Variants in RPL4 observed in about 807,000 individuals in gnomAD.
RPL4 encodes the protein ribosomal protein L4, also known as large ribosomal subunit protein uL4.
Under a neutral mutation model 47.7 loss-of-function variants are expected in RPL4, and 3 were observed. The ratio of observed to expected loss-of-function variants is 0.06; its 90% CI spans 0.03 to 0.16. The LOEUF (loss-of-function observed/expected upper bound fraction) is 0.16. Ranked by LOEUF, RPL4 falls within the 10% of genes least tolerant of loss-of-function variation. The pLI is 1.00. For missense variants in RPL4, 413 were observed against 551.3 expected, an observed-to-expected ratio of 0.75 and a Z score of 2.51; for synonymous variants, 208 against 182.1, an observed-to-expected ratio of 1.14 and a Z score of -1.15.
Position 66,501,324 on chromosome 15 carries a change from G to T in RPL4, c.676+51C>A, listed in dbSNP as rs1434164667. 1.9e-6 allele frequency: 3 copies of T among 1,611,966 alleles called. No homozygotes were observed. In the Admixed American group the frequency reaches 5.0e-5, roughly 27 times the overall value. On this transcript the variant is annotated intron_variant, in intron 6 of 9. Transcript: ENST00000307961. ...GTGGAATCTCATCATAACAAAAGCTGAGTAGACTTGCAGAGTATACCTAGT... is the reference window on the plus strand; with the variant it reads ...GTGGAATCTCATCATAACAAAAGCTTAGTAGACTTGCAGAGTATACCTAGT...
chr15:66,502,602 T>C lies in RPL4; in HGVS notation c.421+10A>G. On this transcript the variant is annotated intron_variant, in intron 4 of 9. Transcript: ENST00000307961. ...TTCTATCAAACTCTCTTATATAAAG[T>C]ATTACAAACCTTTAGACATGACCAG... 6.2e-7 allele frequency: 1 copy of C among 1,609,762 alleles called. No individual in the cohort carries two copies.
chr15:66,502,628 T>C lies in RPL4; in HGVS notation c.405A>G (p.Ala135=). 1 of 1,612,728 alleles carries C rather than the reference T, an allele frequency of 6.2e-7. No homozygotes were observed. Among genetic ancestry groups the C allele is most frequent in the South Asian group, 1.1e-5 (1 of 91,014 alleles). Residue 135 remains alanine, a synonymous_variant, in exon 4 of 10, where the codon GCA becomes GCG. Coordinates refer to ENST00000307961, the MANE Select transcript of RPL4 (RefSeq NM_000968.4). ...ATTACAAACCTTTAGACATGACCAG[T>C]GCTGGTAGGGCTGAGGCAGCCAGGG... ...CSALAASALP[A]LVMSKGHRIE... is the part of the protein sequence containing the mutation.
intron 2 of RPL4, 69 bp from the exon 3 acceptor site, chr15:66,503,233 G>A (rs2140717752): frequency 6.3e-7 from 1 of 1,582,544 alleles, no homozygotes; most frequent in South Asian, 1.1e-5. Flanking sequence ...TATTATGCAT[G>A]GTAGCAAACA....
rs554000792 is a variant in RPL4, at chr15:66,498,023, G to T, written c.*1384C>A. 2.3e-6 allele frequency: 1 copy of T among 436,524 alleles called. No individual in the cohort carries two copies. The highest frequency in any genetic ancestry group is 2.0e-5 in the African/African-American group (1 of 50,130). The allele number at this position is 436,524 out of a possible 1,614,324, so 27.0% of individuals were successfully genotyped here. ...AAGAACCTGAAGAAATCTTGGGTTT[G>T]GCTATCCTTTAATCCGATAGGCCAT... On this transcript the variant is annotated 3_prime_UTR_variant, in exon 10 of 10. Transcript: ENST00000307961.
rs1893521730 is a variant in RPL4, at chr15:66,498,415, G to GT, written c.*991dup. ...CGAGACTGTCAGAGAGAAGCTGACAGTTTAACAATCCAGATGCAAAACAAG... is the reference window on the plus strand; with the variant it reads ...CGAGACTGTCAGAGAGAAGCTGACAGTTTTAACAATCCAGATGCAAAACAAG... On this transcript the variant is annotated 3_prime_UTR_variant, in exon 10 of 10. Coordinates refer to ENST00000307961, the MANE Select transcript of RPL4 (RefSeq NM_000968.4). 1 of 152,218 alleles carries GT rather than the reference G, an allele frequency of 6.6e-6. No individual in the cohort carries two copies. The highest frequency in any genetic ancestry group is 6.5e-5 in the Admixed American group (1 of 15,284). The allele number at this position is 152,218 out of a possible 1,614,324, so 9.4% of individuals were successfully genotyped here.
In RPL4 at chr15:66,498,106, G is replaced by C. The variant is rs143078413; in HGVS notation, c.*1301C>G. 20 of 252,086 alleles carry C rather than the reference G, an allele frequency of 7.9e-5. No individual in the cohort carries two copies. The East Asian group carries it at 1.7e-3, about 21-fold the overall frequency. 15.6% of individuals were successfully genotyped at this position (252,086 alleles called of 1,614,324 possible). On this transcript the variant is annotated 3_prime_UTR_variant, in exon 10 of 10. Coordinates refer to ENST00000307961, the MANE Select transcript of RPL4 (RefSeq NM_000968.4). ...TGACCGGGTGAACAGCACTTCCAAT[G>C]TGGTGTGCCACCAAGTGGCTATCTT... is the stretch of plus-strand genomic sequence containing the variant.
At chr15:66,501,699 A>C (rs10851759) in intron 5 of RPL4, 89 bp downstream of exon 5, 1,332,734 of 1,557,192 alleles carry the variant, frequency 0.86, 571,047 homozygotes, top group African/African-American at 0.93. Flanking sequence ...CACATTAAGG[A>C]TTAGCTATAC....
chr15:66,498,238 T>TA lies in RPL4; in HGVS notation c.*1168dup, dbSNP rs1473892010. The TA allele has an allele frequency of 6.4e-6, 1 of 156,160 alleles. No homozygotes were observed. Among genetic ancestry groups the TA allele is most frequent in the African/African-American group, 2.4e-5 (1 of 41,504 alleles). 9.7% of individuals were successfully genotyped at this position (156,160 alleles called of 1,614,324 possible). ...GCAGGGTAGGACTCACAGTGGACTTTAAAGGGGTAAGGCTGCACAAAATAG... is the reference window on the plus strand; with the variant it reads ...GCAGGGTAGGACTCACAGTGGACTTTAAAAGGGGTAAGGCTGCACAAAATAG... On this transcript the variant is annotated 3_prime_UTR_variant, in exon 10 of 10. Coordinates refer to ENST00000307961, the MANE Select transcript of RPL4 (RefSeq NM_000968.4).
intron 4 of RPL4, 139 bp downstream of exon 4, chr15:66,502,473 T>C: frequency 1.1e-6 from 1 of 934,020 alleles, no homozygotes; most frequent in Non-Finnish European, 1.6e-6. Flanking sequence ...TGAACTAAAA[T>C]ATTTTATGCT....
In RPL4 at chr15:66,498,514, C is replaced by T. The variant is rs1893524415; in HGVS notation, c.*893G>A. On this transcript the variant is annotated 3_prime_UTR_variant, in exon 10 of 10. Coordinates refer to ENST00000307961, the MANE Select transcript of RPL4 (RefSeq NM_000968.4). ...TAGCTTTATGGGTAAAAAAAAACAC[C>T]CTTATATCTGGAGGCATTTCATGGG... is the stretch of plus-strand genomic sequence containing the variant. The T allele has an allele frequency of 6.6e-6, 1 of 152,096 alleles. No individual in the cohort carries two copies. Among genetic ancestry groups the T allele is most frequent in the Non-Finnish European group, 1.5e-5 (1 of 68,012 alleles). The allele number at this position is 152,096 out of a possible 1,614,324, so 9.4% of individuals were successfully genotyped here.
intron 6 of RPL4, 48 bp downstream of exon 6, chr15:66,501,327 T>A: frequency 1.2e-6 from 2 of 1,612,782 alleles, no homozygotes; most frequent in African/African-American, 2.7e-5. Flanking sequence ...AAAAGCTGAG[T>A]AGACTTGCAG....
In RPL4 at chr15:66,499,166, A is replaced by C. The variant is rs1893542271; in HGVS notation, c.*241T>G. ...ATTTAGAAAACCACAACTTTTTTTAAATCATTCCCCTTCCACTGAACTCCA... is the reference window on the plus strand; with the variant it reads ...ATTTAGAAAACCACAACTTTTTTTACATCATTCCCCTTCCACTGAACTCCA... On this transcript the variant is annotated 3_prime_UTR_variant, in exon 10 of 10. Transcript: ENST00000307961. 2 of 418,644 alleles carry C rather than the reference A, an allele frequency of 4.8e-6. No individual in the cohort carries two copies. The highest frequency in any genetic ancestry group is 8.4e-6 in the Non-Finnish European group (2 of 238,706). 25.9% of individuals were successfully genotyped at this position (418,644 alleles called of 1,614,324 possible). A position where few individuals can be genotyped will look rare whatever the true frequency, so the allele number is the denominator to read the frequency against.
chr15:66,503,540 A>G lies in RPL4; in HGVS notation c.4-11T>C, dbSNP rs778580284. On this transcript the variant is annotated splice_polypyrimidine_tract_variant and intron_variant, in intron 1 of 9. Coordinates refer to ENST00000307961, the MANE Select transcript of RPL4 (RefSeq NM_000968.4). ...TGGGCGAGCACACGCCTAAAGAAAA[A>G]GACAAGGATTATTTTTATTGACAAG... 1.3e-6 allele frequency: 2 copies of G among 1,577,478 alleles called. No homozygotes were observed. Among genetic ancestry groups the G allele is most frequent in the Non-Finnish European group, 1.7e-6 (2 of 1,157,710 alleles).
chr15:66,502,075 GA>G (rs1567034921), intron 4 of RPL4, 163 bp from the exon 5 acceptor site: 1 of 932,766 alleles, frequency 1.1e-6, no homozygotes, highest in South Asian at 1.3e-5. Context: ...CAATTAAGTG[GA>G]ATCTCATCAT....
chr15:66,501,530 CT>C, intron 5 of RPL4, 26 bp from the exon 6 acceptor site: 1 of 1,613,206 alleles, frequency 6.2e-7, no homozygotes, highest in South Asian at 1.1e-5. Context: ...TTTTAGTATT[CT>C]GATTAAGATA....
In RPL4 at chr15:66,504,759, T is replaced by C. The variant is rs375111789; in HGVS notation, c.3+29A>G. 128 of 1,610,464 alleles carry C rather than the reference T, an allele frequency of 7.9e-5. No homozygotes were observed. In the African/African-American group the frequency reaches 1.6e-3, roughly 21 times the overall value. On this transcript the variant is annotated intron_variant, in intron 1 of 9. Coordinates refer to ENST00000307961, the MANE Select transcript of RPL4 (RefSeq NM_000968.4). ...TCCTTACTGGCCCCGAGATACGGGG[T>C]AAGGCCAGCCAAGAGAACTTCCACT... is the stretch of plus-strand genomic sequence containing the variant.
chr15:66,500,054 A>G lies in RPL4; in HGVS notation c.1038+2T>C. Reference sequence around the variant, plus strand: ...AAACAAACAAACAAAAACTCCACTCACATTCCTGGCCTGGCGAAGAATGGT... The same window carrying G: ...AAACAAACAAACAAAAACTCCACTCGCATTCCTGGCCTGGCGAAGAATGGT... On this transcript the variant is annotated splice_donor_variant, in intron 9 of 9. Transcript: ENST00000307961. LOFTEE classifies it high-confidence loss of function. 1 of 1,611,542 alleles carries G rather than the reference A, an allele frequency of 6.2e-7. No individual in the cohort carries two copies. The highest frequency in any genetic ancestry group is 8.5e-7 in the Non-Finnish European group (1 of 1,179,726).
intron 4 of RPL4, 48 bp from the exon 5 acceptor site, chr15:66,501,960 G>GAAA: frequency 1.0e-5 from 12 of 1,201,046 alleles, no homozygotes; most frequent in African/African-American, 4.6e-5. Context: ...AACTTTTGGA[G>GAAA]AAAAAAAAAA....
chr15:66,502,952 A>G (rs931288642), intron 3 of RPL4, 106 bp downstream of exon 3: 3 of 1,348,310 alleles, frequency 2.2e-6, no homozygotes, highest in Middle Eastern at 1.8e-4. Context: ...TCTCTTCAAG[A>G]CAAAAAAAAG....
Sources: allele counts gnomAD v4.1 joint callset, GRCh38; gene constraint gnomAD v4.1.1; transcripts MANE v1.5; gene names NCBI Gene and HGNC (gene_info 2026-07-23, HGNC 2026-07-21).